Variants in PAXIP1 observed in about 807,000 individuals in gnomAD.
PAXIP1 encodes the protein PAX interacting protein 1.
PAXIP1 carries 19 observed loss-of-function variants against 140.6 expected under a neutral mutation model. That is an observed-to-expected ratio of 0.14 (90% CI 0.09 to 0.20). The LOEUF (loss-of-function observed/expected upper bound fraction) is 0.20, where lower values mean the gene tolerates loss of function less well. Among genes scored for constraint, PAXIP1 ranks in the 10% least tolerant of loss-of-function variants. The pLI, the probability that PAXIP1 is intolerant of heterozygous loss-of-function variation, is 1.00. For missense variants in PAXIP1, 920 were observed against 1,208.6 expected (o/e 0.76, Z 3.54); for synonymous variants, 442 against 444.6 (o/e 0.99, Z 0.07).
chr7:154,984,755 T>G (rs1430720434), intron 4 of PAXIP1, among the ~76,000 whole-genome samples: 1 of 152,234 alleles, frequency 6.6e-6, no homozygotes, highest in Admixed American at 6.5e-5. Flanking sequence ...TACAGATTAA[T>G]CCAATGAGTC....
At chr7:154,994,857 T>TTA (rs1810499206) in intron 2 of PAXIP1, among the ~76,000 whole-genome samples, 1 of 152,226 alleles carries the variant, frequency 6.6e-6, no homozygotes, top group African/African-American at 2.4e-5. Context: ...ACTGGATTAG[T>TTA]TATCTGAAAT....
rs1361109956 is a variant in PAXIP1 at position 154,976,474 on chromosome 7, C to T, written c.439-143G>A. The T allele has an allele frequency of 1.3e-5, 15 of 1,181,530 alleles. No individual in the cohort carries two copies. The East Asian group carries it at 1.9e-4, about 15-fold the overall frequency. The allele number at this position is 1,181,530 out of a possible 1,614,324, so 73.2% of individuals were successfully genotyped here. A position where few individuals can be genotyped will look rare whatever the true frequency, so the allele number is the denominator to read the frequency against. ...TTATTACAATTTTATACAGAAGCAA[C>T]GTTTGATCTTTTAGACAGAGGACAT... On this transcript the variant is annotated intron_variant, in intron 5 of 20. Transcript: ENST00000404141.
Position 154,993,235 on chromosome 7 carries a change from T to G in PAXIP1, c.260+491A>C, listed in dbSNP as rs1415638501. 6.6e-5 allele frequency among the ~76,000 whole-genome samples: 10 copies of G among 152,316 alleles called. No individual in the cohort carries two copies. The East Asian group carries it at 1.3e-3, about 21-fold the overall frequency. On this transcript the variant is annotated intron_variant, in intron 3 of 20. Coordinates refer to ENST00000404141, the MANE Select transcript of PAXIP1 (RefSeq NM_007349.4). ...GAACAATGCAAGCAAGGAAGCTCCCTGAGGGCAGAAATGGTCTTCTTCACC... is the reference window on the plus strand; with the variant it reads ...GAACAATGCAAGCAAGGAAGCTCCCGGAGGGCAGAAATGGTCTTCTTCACC...
Position 154,976,306 on chromosome 7 carries a change from C to A in PAXIP1, c.464G>T (p.Arg155Leu). 1 of 1,594,764 alleles carries A rather than the reference C, an allele frequency of 6.3e-7. No individual in the cohort carries two copies. The highest frequency in any genetic ancestry group is 8.5e-7 in the Non-Finnish European group (1 of 1,170,522). Residue 155 changes from arginine to leucine, a missense_variant, in exon 6 of 21, where the codon CGA (arginine) becomes CTA (leucine). By Grantham distance (102) the Arg-to-Leu change is moderately radical. This residue lies in a region of PAXIP1 where 419 missense variants were observed against 514.7 expected (regional missense o/e 0.81). Coordinates refer to ENST00000404141, the MANE Select transcript of PAXIP1 (RefSeq NM_007349.4). ...KGEKYECALK[R>L]ASIKIVTPDW... ...AGGAGTCACAATTTTAATACTTGCT[C>A]GCTTTAAAGCACATTCGTATTTCTC...
At position 154,943,875 on chromosome 7, in the gene PAXIP1, A is replaced by C. The variant is rs1001111266; in HGVS notation, c.*274T>G. On this transcript the variant is annotated 3_prime_UTR_variant, in exon 21 of 21. Coordinates refer to ENST00000404141, the MANE Select transcript of PAXIP1 (RefSeq NM_007349.4). The stretch of plus-strand genomic sequence containing the variant: ...TTGAAGTCCCGTAACAGTTTTGTGA[A>C]AACATTTAAAAACCTGGCAAATGAA... 1.7e-5 allele frequency: 7 copies of C among 413,702 alleles called. No homozygotes were observed. Among genetic ancestry groups the C allele is most frequent in the African/African-American group, 1.4e-4 (7 of 49,526 alleles). 25.6% of individuals were successfully genotyped at this position (413,702 alleles called of 1,614,324 possible). A position where few individuals can be genotyped will look rare whatever the true frequency, so the allele number is the denominator to read the frequency against.
At chr7:154,969,942 C>T (rs975467491) in intron 6 of PAXIP1, among the ~76,000 whole-genome samples, 1 of 152,158 alleles carries the variant, frequency 6.6e-6, no homozygotes, top group Non-Finnish European at 1.5e-5. Flanking sequence ...GAATTCAAAC[C>T]AGACTATTTG....
rs769240986 is a variant in PAXIP1 at position 154,973,284 on chromosome 7, G to A, written c.1074+2412C>T. 5.9e-5 allele frequency among the ~76,000 whole-genome samples: 9 copies of A among 152,062 alleles called. No individual in the cohort carries two copies. The highest frequency in any genetic ancestry group is 1.0e-4 in the Non-Finnish European group (7 of 68,018). On this transcript the variant is annotated intron_variant, in intron 6 of 20. Transcript: ENST00000404141. The surrounding 1 kb of genome is among the most constrained non-coding windows in gnomAD (Gnocchi z 4.0). The stretch of plus-strand genomic sequence containing the variant: ...CTCCGGGACCCAACAAGGTGACATG[G>A]AGCGGTGGGCACTGAAGCAGGCCCA...
intron 4 of PAXIP1, among the ~76,000 whole-genome samples, chr7:154,984,426 A>G (rs1809973775): frequency 6.6e-6 from 1 of 152,212 alleles, no homozygotes; most frequent in African/African-American, 2.4e-5. Context: ...TAATTTTTTA[A>G]AAGTATTGAT....
intron 20 of PAXIP1, chr7:154,945,915 A>G: frequency 1.0e-6 from 1 of 985,392 alleles, no homozygotes; most frequent in Non-Finnish European, 1.2e-6. Context: ...TGACATGTTG[A>G]TGAAGTATTC....
At chr7:154,970,191 A>C (rs1211987452) in intron 6 of PAXIP1, among the ~76,000 whole-genome samples, 2 of 152,268 alleles carry the variant, frequency 1.3e-5, no homozygotes, top group East Asian at 3.8e-4. Flanking sequence ...AATCAGTAAA[A>C]ATAGATTTTA....
At chr7:155,002,797 CGGACGG>C in intron 1 of PAXIP1, 46 bp downstream of exon 1, 1 of 1,052,608 alleles carries the variant, frequency 9.5e-7, no homozygotes, top group South Asian at 2.0e-5. Flanking sequence ...GGGACGGGGA[CGGACGG>C]GGACGCGGAC....
At chr7:154,991,732 C>T (rs1010609063) in intron 3 of PAXIP1, among the ~76,000 whole-genome samples, 1 of 152,204 alleles carries the variant, frequency 6.6e-6, no homozygotes, top group African/African-American at 2.4e-5. Flanking sequence ...AGACACAAGG[C>T]AGTCATGATC....
In PAXIP1 at chr7:154,960,976, C is replaced by T. The variant is rs751796684; in HGVS notation, c.2351G>A (p.Arg784Lys). ...DILLGNFEAL[R>K]QIQYSRYTAF... Reference sequence around the variant, plus strand: ...CGTGTAGCGACTATACTGAATCTGCCTCAGTGCCTCAAAGTTTCCCAGAAG... The same window carrying T: ...CGTGTAGCGACTATACTGAATCTGCTTCAGTGCCTCAAAGTTTCCCAGAAG... The change falls in exon 12 of 21, where the codon AGG becomes AAG. Residue 784 changes from arginine (R) to lysine (K), a missense_variant. Coordinates refer to ENST00000404141, the MANE Select transcript of PAXIP1 (RefSeq NM_007349.4). The T allele has an allele frequency of 1.2e-6, 2 of 1,603,408 alleles. No homozygotes were observed. Among genetic ancestry groups the T allele is most frequent in the African/African-American group, 2.7e-5 (2 of 74,768 alleles).
intron 1 of PAXIP1, chr7:155,001,927 G>C (rs1317888753): frequency 1.3e-5 from 2 of 152,278 alleles, no homozygotes; most frequent in Non-Finnish European, 2.9e-5. Flanking sequence ...CGAAATATGA[G>C]TCTCCGCCCT....
intron 6 of PAXIP1, among the ~76,000 whole-genome samples, chr7:154,972,704 A>G (rs371585396): frequency 6.6e-6 from 1 of 152,184 alleles, no homozygotes; most frequent in African/African-American, 2.4e-5. Context: ...CACCAACCCT[A>G]TGAGAGAGAT....
intron 8 of PAXIP1, among the ~76,000 whole-genome samples, chr7:154,966,774 T>G (rs577664350): frequency 1.1e-4 from 17 of 152,324 alleles, no homozygotes; most frequent in African/African-American, 3.8e-4. Context: ...CTATTTAAAA[T>G]GCACAGCTGA....
intron 4 of PAXIP1, 128 bp downstream of exon 4, chr7:154,990,878 A>G (rs1410516455): frequency 5.3e-6 from 3 of 565,952 alleles, no homozygotes; most frequent in Non-Finnish European, 9.4e-6. Context: ...TCATGAGTTT[A>G]TATTAAATAC....
intron 1 of PAXIP1, among the ~76,000 whole-genome samples, chr7:154,999,299 G>A (rs306274): frequency 0.49 from 74,481 of 152,090 alleles, 19,569 homozygotes; most frequent in Admixed American, 0.58. Flanking sequence ...AGAGCAGACC[G>A]TAAATGGGCT....
chr7:154,970,921 T>C (rs1347867749), intron 6 of PAXIP1, among the ~76,000 whole-genome samples: 1 of 152,206 alleles, frequency 6.6e-6, no homozygotes, highest in Non-Finnish European at 1.5e-5. Context: ...CTCTGAGGGA[T>C]GGTAAAGAAA....
Sources: gnomAD v4.1 joint callset for allele counts (sites outside exome capture counted in the v4.1 genomes callset) on GRCh38, gnomAD v4.1.1 for gene constraint, gnomAD v4.1.1 regional missense constraint, Gnocchi (gnomAD v3.1) non-coding constraint, MANE v1.5 for transcripts, NCBI Gene and HGNC (gene_info 2026-07-23, HGNC 2026-07-21) for gene names.